Variants in MTOR observed in about 807,000 individuals in gnomAD.
MTOR encodes the protein mechanistic target of rapamycin kinase.
Under a neutral mutation model 319.8 loss-of-function variants are expected in MTOR, and 70 were observed. The observed-to-expected ratio is 0.22, with a 90% CI of 0.18 to 0.27. The LOEUF is 0.27. Among genes scored for constraint, MTOR ranks in the 10% least tolerant of loss-of-function variants. MTOR has a pLI of 1.00. For missense variants in MTOR, 1,890 were observed against 3,274.4 expected, an observed-to-expected ratio of 0.58 and a Z score of 10.32; for synonymous variants, 1,183 against 1,211.4, an observed-to-expected ratio of 0.98 and a Z score of 0.49.
At chr1:11,193,779 G>A in intron 28 of MTOR, 1 of 1,613,998 alleles carries the variant, frequency 6.2e-7, no homozygotes, top group Non-Finnish European at 8.5e-7. Flanking sequence ...ATGGAGGTAA[G>A]CACAAGGCCA....
rs2100745646 is a variant in MTOR, at chr1:11,199,544, G to C, written c.4104C>G (p.Asp1368Glu). 1 of 1,614,180 alleles carries C rather than the reference G, an allele frequency of 6.2e-7. No individual in the cohort carries two copies. The highest frequency in any genetic ancestry group is 8.5e-7 in the Non-Finnish European group (1 of 1,180,030). ...LNLAEFMEHS[D>E]KGPLPLRDDN... The stretch of plus-strand genomic sequence containing the variant: ...GGACAATGGGGAAAAGTCTCACCTT[G>C]TCACTGTGTTCCATGAATTCAGCCA... The change falls in exon 27 of 58, where the codon GAC (aspartate) becomes GAG (glutamate). Residue 1368 changes from aspartate (D) to glutamate (E), a missense_variant. This residue lies in a region of MTOR where 45 missense variants were observed against 107.2 expected (regional missense o/e 0.42). Transcript: ENST00000361445. This position sits in a 1 kb window ranked among gnomAD's most constrained non-coding sequence, Gnocchi z 4.5.
intron 36 of MTOR, among the ~76,000 whole-genome samples, chr1:11,137,015 C>T (rs1203697979): frequency 6.6e-6 from 1 of 151,120 alleles, no homozygotes; most frequent in Non-Finnish European, 1.5e-5. Flanking sequence ...CTAATTTTTG[C>T]ATTTTTAGTA....
rs985019315 is a variant in MTOR at position 11,238,410 on chromosome 1, G to A, written c.1994C>T (p.Thr665Ile). 4 of 1,613,840 alleles carry A rather than the reference G, an allele frequency of 2.5e-6. No homozygotes were observed. The highest frequency in any genetic ancestry group is 3.4e-6 in the Non-Finnish European group (4 of 1,180,026). ...TGTCTGGCAAGCCTTACCAGGATCT[G>A]TTATCCCAACTACGAGCAGTTTGCT... ...VLSKLLVVGITDPDPDIRYCV... is the reference protein window; with the variant it reads ...VLSKLLVVGIIDPDPDIRYCV... The change falls in exon 12 of 58, where the codon ACA becomes ATA. Residue 665 changes from threonine (T) to isoleucine (I), a missense_variant. Physicochemically the swap from Thr to Ile is moderately conservative, Grantham distance 89. Around this residue, in one of 15 missense-constraint regions of MTOR, gnomAD observed 377 missense variants for 653.9 expected, o/e 0.58. Coordinates refer to ENST00000361445, the MANE Select transcript of MTOR (RefSeq NM_004958.4).
rs139588784 is a variant in MTOR, at chr1:11,186,077, C to T, written c.4253+13181G>A. Among the ~76,000 whole-genome samples, 1,023 of 121,450 alleles carry T rather than the reference C, an allele frequency of 8.4e-3. 19 individuals carry two copies. The highest frequency in any genetic ancestry group is 0.032 in the African/African-American group (943 of 29,828). 79.7% of individuals were successfully genotyped at this position (121,450 alleles called of 152,430 possible). A position where few individuals can be genotyped will look rare whatever the true frequency, so the allele number is the denominator to read the frequency against. ...CAGCCTGGACGACAGAGCAAGACTC[C>T]GTCTCAAAAAAAAAAAAAAAAAAAA... On this transcript the variant is annotated intron_variant, in intron 28 of 57. Transcript: ENST00000361445.
At chr1:11,217,395 A>C (rs1208078763) in intron 19 of MTOR, among the ~76,000 whole-genome samples, 5 of 150,870 alleles carry the variant, frequency 3.3e-5, no homozygotes, top group Admixed American at 1.3e-4. Context: ...CCCTTCCCCC[A>C]ATTTTTTTTT....
Position 11,130,568 on chromosome 1 carries a change from G to A in MTOR, c.5574C>T (p.Asn1858=), listed in dbSNP as rs755172843. 6 of 1,613,628 alleles carry A rather than the reference G, an allele frequency of 3.7e-6. No homozygotes were observed. The South Asian group carries it at 6.6e-5, about 18-fold the overall frequency. Residue 1858 remains asparagine, a synonymous_variant, in exon 39 of 58, where the codon AAC becomes AAT. Coordinates refer to ENST00000361445, the MANE Select transcript of MTOR (RefSeq NM_004958.4). ...TCTGCAGCGGCGATGGGGTGGGGCT[G>A]TTCTCGGTGCTCTCGGCCTCGCTCT... is the stretch of plus-strand genomic sequence containing the variant. ...NSESEAESTE[N]SPTPSPLQKK... is the part of the protein sequence containing the mutation.
At chr1:11,206,722 T>TA (rs1646149417) in intron 25 of MTOR, among the ~76,000 whole-genome samples, 1 of 152,232 alleles carries the variant, frequency 6.6e-6, no homozygotes, top group Non-Finnish European at 1.5e-5. Flanking sequence ...CTCTGGGTTC[T>TA]ATAACAACTG....
At chr1:11,252,691 T>C (rs1423648358) in intron 6 of MTOR, among the ~76,000 whole-genome samples, 1 of 152,204 alleles carries the variant, frequency 6.6e-6, no homozygotes, top group African/African-American at 2.4e-5. Flanking sequence ...ATGGCTATTA[T>C]CTAACAAGCA....
At chr1:11,246,883 G>A (rs1270855207) in intron 8 of MTOR, among the ~76,000 whole-genome samples, 1 of 152,222 alleles carries the variant, frequency 6.6e-6, no homozygotes, top group East Asian at 1.9e-4. Flanking sequence ...GTAGCTTGAG[G>A]AGGCTGTAAT....
At position 11,139,549 on chromosome 1, in the gene MTOR, C is replaced by T. The variant is rs2100478783; in HGVS notation, c.4982G>A (p.Gly1661Asp). ...GTCACTCACCAGCCTGCCACTCTTG[C>T]CGCACAGGCTTGCATACTTGAGCCA... ...RTWLKYASLCGKSGRLALAHK... is the reference protein window; with the variant it reads ...RTWLKYASLCDKSGRLALAHK... The change falls in exon 35 of 58, where the codon GGC becomes GAC. Residue 1661 changes from glycine to aspartate, a missense_variant. Physicochemically the swap from Gly to Asp is moderately conservative, Grantham distance 94. Around this residue, in one of 15 missense-constraint regions of MTOR, gnomAD observed 276 missense variants for 459.4 expected, o/e 0.60. Transcript: ENST00000361445. 2 of 1,614,234 alleles carry T rather than the reference C, an allele frequency of 1.2e-6. No individual in the cohort carries two copies. Among genetic ancestry groups the T allele is most frequent in the Non-Finnish European group, 1.7e-6 (2 of 1,180,034 alleles).
chr1:11,125,035 G>A (rs1275372137), intron 46 of MTOR, among the ~76,000 whole-genome samples: 1 of 152,162 alleles, frequency 6.6e-6, no homozygotes, highest in African/African-American at 2.4e-5. Context: ...TAGAGGGAGA[G>A]GTCAGGGTAT....
At chr1:11,117,259 C>T (rs1642213330) in intron 49 of MTOR, among the ~76,000 whole-genome samples, 173 bp from the exon 50 acceptor site, 1 of 152,208 alleles carries the variant, frequency 6.6e-6, no homozygotes, top group Non-Finnish European at 1.5e-5. Flanking sequence ...CTCCCGGGTT[C>T]AAGCGGTTCT....
At chr1:11,189,915 G>A in intron 28 of MTOR, 1 of 1,613,636 alleles carries the variant, frequency 6.2e-7, no homozygotes, top group Non-Finnish European at 8.5e-7. Flanking sequence ...TTGACATCAT[G>A]CAGCTGCAGG....
In MTOR at chr1:11,176,316, C is replaced by T. The variant is rs147982550; in HGVS notation, c.4254-8799G>A. Among the ~76,000 whole-genome samples, 203 of 152,274 alleles carry T rather than the reference C, an allele frequency of 1.3e-3. 1 individual carries two copies. In the Middle Eastern group the frequency reaches 0.02, roughly 15 times the overall value. Reference sequence around the variant, plus strand: ...CGCCCTCATCCCTCAGTCTTGGTGCCGCGTGACCTCTGGGGTTCAGAGCAA... The same window carrying T: ...CGCCCTCATCCCTCAGTCTTGGTGCTGCGTGACCTCTGGGGTTCAGAGCAA... On this transcript the variant is annotated intron_variant, in intron 28 of 57. Coordinates refer to ENST00000361445, the MANE Select transcript of MTOR (RefSeq NM_004958.4).
Position 11,176,682 on chromosome 1 carries a change from A to G in MTOR, c.4254-9165T>C, listed in dbSNP as rs1463604331. ...CAGCCACACTGAGGCCACCCTGGAC[A>G]CTGCTTTGGGTCCTAACCACTGTAT... is the stretch of plus-strand genomic sequence containing the variant. On this transcript the variant is annotated intron_variant, in intron 28 of 57. Transcript: ENST00000361445. Among the ~76,000 whole-genome samples the G allele has an allele frequency of 2.6e-5, 4 of 152,318 alleles. No homozygotes were observed. In the East Asian group the frequency reaches 7.7e-4, roughly 29 times the overall value.
intron 28 of MTOR, among the ~76,000 whole-genome samples, chr1:11,170,800 C>T (rs1644789170): frequency 6.6e-6 from 1 of 151,174 alleles, no homozygotes; most frequent in Non-Finnish European, 1.5e-5. Flanking sequence ...GATTCTCCTG[C>T]CTCAGCCTCT....
At chr1:11,190,426 T>C (rs969269591) in intron 28 of MTOR, among the ~76,000 whole-genome samples, 1 of 152,192 alleles carries the variant, frequency 6.6e-6, no homozygotes, top group African/African-American at 2.4e-5. Flanking sequence ...TTTTGTGTCC[T>C]CTCTCTGTAA....
chr1:11,231,150 T>C, intron 17 of MTOR, 96 bp from the exon 18 acceptor site: 1 of 1,597,000 alleles, frequency 6.3e-7, no homozygotes, highest in Non-Finnish European at 8.6e-7. Context: ...TAATCCCCAG[T>C]TCATATCCAA....
chr1:11,156,045 C>A (rs1471228024), intron 30 of MTOR, among the ~76,000 whole-genome samples: 1 of 152,082 alleles, frequency 6.6e-6, no homozygotes, highest in Non-Finnish European at 1.5e-5. Context: ...GGCTGGAGTG[C>A]AGTGGTGCAA....
Sources: allele counts gnomAD v4.1 joint callset (sites outside exome capture counted in the v4.1 genomes callset), GRCh38; gene constraint gnomAD v4.1.1; regional missense constraint gnomAD v4.1.1; non-coding constraint Gnocchi (gnomAD v3.1); transcripts MANE v1.5; gene names NCBI Gene and HGNC (gene_info 2026-07-23, HGNC 2026-07-21).